Variants in HIPK2 observed in about 807,000 individuals in gnomAD.
HIPK2 encodes homeodomain-interacting protein kinase 2.
In HIPK2, 27 loss-of-function variants were observed where a neutral mutation model predicts 113.7. The ratio of observed to expected loss-of-function variants is 0.24; its 90% CI spans 0.17 to 0.33. HIPK2 has a LOEUF of 0.33. Ranked by LOEUF, HIPK2 falls within the 10% of genes least tolerant of loss-of-function variation. HIPK2 has a pLI of 1.00. For missense variants in HIPK2, 1,257 were observed against 1,588.0 expected (o/e 0.79, Z 3.54); for synonymous variants, 631 against 642.2 (o/e 0.98, Z 0.26).
intron 2 of HIPK2, among the ~76,000 whole-genome samples, chr7:139,637,334 G>A (rs1213374164): frequency 6.6e-6 from 1 of 152,206 alleles, no homozygotes; most frequent in Admixed American, 6.6e-5. Context: ...GGGCCTCCAC[G>A]ATTGGGACCC....
chr7:139,646,143 A>T (rs1379263295), intron 2 of HIPK2, among the ~76,000 whole-genome samples: 1 of 152,134 alleles, frequency 6.6e-6, no homozygotes, highest in Non-Finnish European at 1.5e-5. Flanking sequence ...TCGGAAAGCC[A>T]CCTGAACCTT....
chr7:139,656,961 C>A (rs969478416), intron 2 of HIPK2, among the ~76,000 whole-genome samples: 4 of 152,112 alleles, frequency 2.6e-5, no homozygotes, highest in Non-Finnish European at 4.4e-5. Context: ...ACCTCCACCT[C>A]CCGGATTCAA....
intron 2 of HIPK2, among the ~76,000 whole-genome samples, chr7:139,661,597 C>T (rs968733573): frequency 1.3e-5 from 2 of 152,144 alleles, no homozygotes; most frequent in African/African-American, 4.8e-5. Context: ...CCAAATGTAA[C>T]ATAACACAAT....
intron 1 of HIPK2, among the ~76,000 whole-genome samples, chr7:139,747,039 G>A (rs899908438): frequency 9.9e-5 from 15 of 152,206 alleles, no homozygotes; most frequent in African/African-American, 3.4e-4. Flanking sequence ...GTGATACAAT[G>A]ACAACACTCA....
Position 139,614,411 on chromosome 7 carries a change from G to T in HIPK2, c.1865C>A (p.Pro622His), listed in dbSNP as rs373468541. The T allele has an allele frequency of 3.8e-6, 6 of 1,570,158 alleles. No homozygotes were observed. Among genetic ancestry groups the T allele is most frequent in the Non-Finnish European group, 5.2e-6 (6 of 1,153,656 alleles). The stretch of plus-strand genomic sequence containing the variant: ...CACTGCAGCCATGGATGCCGCTGAG[G>T]GCTGGTAGAGTGTAGATGGGTAGTT... ...ILNYPSTLYQ[P>H]SAASMAAVAQ... The change falls in exon 8 of 15, where the codon CCC becomes CAC. Residue 622 changes from proline (P) to histidine (H), a missense_variant. Pro to His is a moderately conservative substitution (Grantham distance 77, BLOSUM62 -2). Coordinates refer to ENST00000406875, the MANE Select transcript of HIPK2 (RefSeq NM_022740.5).
At chr7:139,708,110 C>T (rs1041866238) in intron 2 of HIPK2, among the ~76,000 whole-genome samples, 48 of 152,108 alleles carry the variant, frequency 3.2e-4, no homozygotes, top group Non-Finnish European at 4.6e-4. Flanking sequence ...GCTGTCATGC[C>T]GGCCGCACCC....
rs980242875 is a variant in HIPK2, at chr7:139,703,499, C to A, written c.1103+12433G>T. ...CAAAGAAGTGGCACCAACAGTTTGT[C>A]CCTCATGTTCTGGCCAAATAAATTT... is the stretch of plus-strand genomic sequence containing the variant. On this transcript the variant is annotated intron_variant, in intron 2 of 14. Transcript: ENST00000406875. Among the ~76,000 whole-genome samples the A allele has an allele frequency of 4.4e-4, 67 of 152,132 alleles. No individual in the cohort carries two copies. In the South Asian group the frequency reaches 6.6e-3, roughly 15 times the overall value.
chr7:139,577,338 A>C (rs1343702385), intron 13 of HIPK2, among the ~76,000 whole-genome samples: 1 of 151,836 alleles, frequency 6.6e-6, no homozygotes, highest in Non-Finnish European at 1.5e-5. Context: ...TTTAGTAGAG[A>C]CAGGGTTTCA....
Position 139,664,014 on chromosome 7 carries a change from C to T in HIPK2, c.1104-32289G>A, listed in dbSNP as rs115924771. Among the ~76,000 whole-genome samples, 696 of 152,304 alleles carry T rather than the reference C, an allele frequency of 4.6e-3. 2 individuals are homozygous for T. Among genetic ancestry groups the T allele is most frequent in the African/African-American group, 0.016 (663 of 41,574 alleles). ...CCAAGGGGCCATTCTTCAAGGAGGA[C>T]TCTGCCCCCACGCTTGGTACCGAGT... On this transcript the variant is annotated intron_variant, in intron 2 of 14. Coordinates refer to ENST00000406875, the MANE Select transcript of HIPK2 (RefSeq NM_022740.5).
intron 6 of HIPK2, among the ~76,000 whole-genome samples, chr7:139,623,785 C>T (rs1463985649): frequency 6.6e-6 from 1 of 152,196 alleles, no homozygotes; most frequent in Admixed American, 6.5e-5. Flanking sequence ...TGAGACCCAG[C>T]CCCCTCTGAC....
In HIPK2 at chr7:139,572,915, C is replaced by A. The variant is rs1484631193; in HGVS notation, c.*12G>T. On this transcript the variant is annotated 3_prime_UTR_variant, in exon 15 of 15. Coordinates refer to ENST00000406875, the MANE Select transcript of HIPK2 (RefSeq NM_022740.5). The stretch of plus-strand genomic sequence containing the variant: ...TCTCTCCCTCCCTCCCTCCCTCCCT[C>A]CCCTCCAGTGTTTATATGTAAGGGT... 1.9e-6 allele frequency: 2 copies of A among 1,070,730 alleles called. No individual in the cohort carries two copies. The highest frequency in any genetic ancestry group is 2.7e-6 in the Non-Finnish European group (2 of 747,820). 66.3% of individuals were successfully genotyped at this position (1,070,730 alleles called of 1,614,324 possible). A position where few individuals can be genotyped will look rare whatever the true frequency, so the allele number is the denominator to read the frequency against.
At chr7:139,762,644 C>T (rs1212529388) in intron 1 of HIPK2, among the ~76,000 whole-genome samples, 2 of 152,230 alleles carry the variant, frequency 1.3e-5, no homozygotes, top group East Asian at 1.9e-4. Context: ...ATACTATACA[C>T]TCTAAAAGGG....
At chr7:139,682,752 C>A (rs774625376) in intron 2 of HIPK2, among the ~76,000 whole-genome samples, 3 of 152,210 alleles carry the variant, frequency 2.0e-5, no homozygotes, top group Non-Finnish European at 4.4e-5. Flanking sequence ...GTGTTAAGGA[C>A]CCGCGTTCCC....
chr7:139,627,979 ATTGAG>A (rs1242211597), intron 5 of HIPK2, among the ~76,000 whole-genome samples: 2 of 152,338 alleles, frequency 1.3e-5, no homozygotes, highest in South Asian at 2.1e-4. Context: ...ATGTAATCAA[ATTGAG>A]TTAAGATGAG....
chr7:139,577,263 C>T (rs1376215025), intron 13 of HIPK2, among the ~76,000 whole-genome samples: 1 of 151,518 alleles, frequency 6.6e-6, no homozygotes, highest in African/African-American at 2.4e-5. Context: ...ATTCTCCTGC[C>T]TCAGCCTCCC....
chr7:139,623,973 T>C (rs1800332840), intron 6 of HIPK2, among the ~76,000 whole-genome samples: 1 of 152,034 alleles, frequency 6.6e-6, no homozygotes, highest in Non-Finnish European at 1.5e-5. Context: ...TACCTCAGGG[T>C]TGAGAGGCTG....
intron 12 of HIPK2, among the ~76,000 whole-genome samples, chr7:139,589,949 T>C (rs1443788769): frequency 6.6e-6 from 1 of 152,210 alleles, no homozygotes; most frequent in Non-Finnish European, 1.5e-5. Context: ...GGTGAATTCA[T>C]TTGCTAGCTG....
At position 139,631,113 on chromosome 7, in the gene HIPK2, T is replaced by C. The variant is rs187237329; in HGVS notation, c.1347+52A>G. Reference sequence around the variant, plus strand: ...CTCCCCACTAATGGGTCTACGGCCCTCTTCCCTAAGCGCTGGGCCACTGTG... The same window carrying C: ...CTCCCCACTAATGGGTCTACGGCCCCCTTCCCTAAGCGCTGGGCCACTGTG... On this transcript the variant is annotated intron_variant, in intron 4 of 14. Coordinates refer to ENST00000406875, the MANE Select transcript of HIPK2 (RefSeq NM_022740.5). The surrounding 1 kb of genome is among the most constrained non-coding windows in gnomAD (Gnocchi z 4.9). 6.1e-5 allele frequency: 95 copies of C among 1,568,444 alleles called. No individual in the cohort carries two copies. The East Asian group carries it at 2.2e-3, about 36-fold the overall frequency.
chr7:139,748,887 T>C (rs148243286), intron 1 of HIPK2, among the ~76,000 whole-genome samples: 204 of 152,284 alleles, frequency 1.3e-3, no homozygotes, highest in African/African-American at 4.6e-3. Context: ...AAAAGATTTG[T>C]AAGAAATTAC....
Sources: allele counts gnomAD v4.1 joint callset (sites outside exome capture counted in the v4.1 genomes callset), GRCh38; gene constraint gnomAD v4.1.1; non-coding constraint Gnocchi (gnomAD v3.1); transcripts MANE v1.5; gene names NCBI Gene and HGNC (gene_info 2026-07-23, HGNC 2026-07-21).